Variants in CRACD observed in about 807,000 individuals in gnomAD.
The protein encoded by CRACD is capping protein inhibiting regulator of actin dynamics, also known as capping protein-inhibiting regulator of actin dynamics.
Under a neutral mutation model 106.8 loss-of-function variants are expected in CRACD, and 56 were observed. The observed-to-expected ratio is 0.52, with a 90% CI of 0.42 to 0.66. The LOEUF is 0.66. Among genes scored for constraint, CRACD ranks in the 30% least tolerant of loss-of-function variants. The pLI is 0.00. For synonymous variants in CRACD, 754 were observed against 670.8 expected, an observed-to-expected ratio of 1.12 and a Z score of -1.92; for missense variants, 1,730 against 1,623.2, an observed-to-expected ratio of 1.07 and a Z score of -1.13.
chr4:56,195,193 A>C (rs1271767824), intron 2 of CRACD, among the ~76,000 whole-genome samples: 1 of 152,144 alleles, frequency 6.6e-6, no homozygotes, highest in Non-Finnish European at 1.5e-5. Context: ...GGGAGGACAC[A>C]TGGCTCGCTT....
chr4:56,119,052 G>T (rs1302547723), intron 1 of CRACD, among the ~76,000 whole-genome samples: 1 of 152,126 alleles, frequency 6.6e-6, no homozygotes, highest in Non-Finnish European at 1.5e-5. Flanking sequence ...AAACTTTATG[G>T]AGGATTCATC....
chr4:56,100,298 GAATT>G (rs1424336555), intron 1 of CRACD, among the ~76,000 whole-genome samples: 1 of 152,136 alleles, frequency 6.6e-6, no homozygotes, highest in African/African-American at 2.4e-5. Flanking sequence ...ACATCAGAAA[GAATT>G]AATCTCGCTT....
chr4:56,201,265 G>A (rs1737866541), intron 2 of CRACD, among the ~76,000 whole-genome samples: 1 of 152,316 alleles, frequency 6.6e-6, no homozygotes, highest in South Asian at 2.1e-4. Context: ...ATGCGGTGAT[G>A]TGATGCTTTC....
At chr4:56,133,371 T>G (rs529501630) in intron 1 of CRACD, among the ~76,000 whole-genome samples, 10 of 152,332 alleles carry the variant, frequency 6.6e-5, no homozygotes, top group African/African-American at 2.4e-4. Flanking sequence ...CTGTTGTTGT[T>G]TTGATTGTGG....
intron 1 of CRACD, among the ~76,000 whole-genome samples, chr4:56,141,875 T>C (rs903397826): frequency 2.0e-5 from 3 of 151,444 alleles, no homozygotes; most frequent in African/African-American, 2.4e-5. Flanking sequence ...AAAAAAATTA[T>C]AGAGATGGGA....
chr4:56,263,770 A>T (rs1365892570), intron 2 of CRACD, among the ~76,000 whole-genome samples: 1 of 152,240 alleles, frequency 6.6e-6, no homozygotes, highest in Admixed American at 6.5e-5. Flanking sequence ...CACAAGAGAA[A>T]CATGAGCAAA....
At chr4:56,181,356 G>C (rs1736812796) in intron 2 of CRACD, among the ~76,000 whole-genome samples, 1 of 152,206 alleles carries the variant, frequency 6.6e-6, no homozygotes, top group Admixed American at 6.5e-5. Context: ...CCAGGAGCCA[G>C]TCAGTGCTGG....
At chr4:56,227,925 G>A (rs58596132) in intron 2 of CRACD, among the ~76,000 whole-genome samples, 5,227 of 152,098 alleles carry the variant, frequency 0.034, 314 homozygotes, top group African/African-American at 0.12. Context: ...CTTAGGAAGC[G>A]CTTAACCTCT....
chr4:56,056,614 A>G (rs1462749902), intron 1 of CRACD, among the ~76,000 whole-genome samples: 3 of 151,410 alleles, frequency 2.0e-5, no homozygotes, highest in East Asian at 3.9e-4. Flanking sequence ...AAAAACAAAC[A>G]AAAAAAACAC....
At chr4:56,173,744 G>A (rs1052907327) in intron 1 of CRACD, among the ~76,000 whole-genome samples, 2 of 152,154 alleles carry the variant, frequency 1.3e-5, no homozygotes, top group Non-Finnish European at 2.9e-5. Flanking sequence ...GCCCAGAAGT[G>A]GAATTGCTAG....
At chr4:56,175,913 A>G (rs574026252) in intron 1 of CRACD, among the ~76,000 whole-genome samples, 2 of 152,256 alleles carry the variant, frequency 1.3e-5, no homozygotes, top group South Asian at 2.1e-4. Flanking sequence ...TCATAGATTC[A>G]GGTCTTACAT....
rs974211348 is a variant in CRACD, at chr4:56,170,775, G to A, written c.-335-8509G>A. Reference sequence around the variant, plus strand: ...GATCGCTTGAGCCCAGGAGCTCGAGGTTACAGTGATCTGTGATTGTGCCAC... The same window carrying A: ...GATCGCTTGAGCCCAGGAGCTCGAGATTACAGTGATCTGTGATTGTGCCAC... On this transcript the variant is annotated intron_variant, in intron 1 of 10. Coordinates refer to ENST00000682029, the MANE Select transcript of CRACD (RefSeq NM_001393381.1). 9.2e-5 allele frequency among the ~76,000 whole-genome samples: 14 copies of A among 152,280 alleles called. No individual in the cohort carries two copies. In the South Asian group the frequency reaches 2.9e-3, roughly 32 times the overall value.
intron 1 of CRACD, among the ~76,000 whole-genome samples, chr4:56,127,456 G>A (rs1390343184): frequency 6.6e-6 from 1 of 152,104 alleles, no homozygotes; most frequent in East Asian, 1.9e-4. Flanking sequence ...TAGAAGCAGG[G>A]TAACTGAGTT....
intron 3 of CRACD, among the ~76,000 whole-genome samples, chr4:56,287,723 AGTC>A (rs965987171): frequency 2.2e-4 from 34 of 152,256 alleles, no homozygotes; most frequent in African/African-American, 8.2e-4. Flanking sequence ...CTGGCCCTAA[AGTC>A]GTTGTTTGGA....
intron 1 of CRACD, among the ~76,000 whole-genome samples, chr4:56,159,756 T>C (rs930529908): frequency 6.6e-6 from 1 of 152,180 alleles, no homozygotes. Context: ...AGTTAAAAAA[T>C]ATTAAAATAT....
At chr4:56,091,621 C>T (rs551498483) in intron 1 of CRACD, among the ~76,000 whole-genome samples, 2 of 152,184 alleles carry the variant, frequency 1.3e-5, no homozygotes, top group Admixed American at 6.5e-5. Flanking sequence ...CTGCACTGGG[C>T]GTTTGAGGAG....
At chr4:56,109,054 T>C (rs13101982) in intron 1 of CRACD, among the ~76,000 whole-genome samples, 23,106 of 152,094 alleles carry the variant, frequency 0.15, 1,818 homozygotes, top group East Asian at 0.25. Context: ...CTCCCTTTCG[T>C]GGTCTGCTAA....
At chr4:56,207,638 T>A (rs891450414) in intron 2 of CRACD, among the ~76,000 whole-genome samples, 1 of 151,414 alleles carries the variant, frequency 6.6e-6, no homozygotes, top group Non-Finnish European at 1.5e-5. Flanking sequence ...ACGAGACCCC[T>A]TTTTCAGGTC....
chr4:56,085,924 A>G (rs559208942), intron 1 of CRACD, among the ~76,000 whole-genome samples: 2 of 152,276 alleles, frequency 1.3e-5, no homozygotes, highest in Non-Finnish European at 2.9e-5. Context: ...TATTCATGGT[A>G]TAGTTTCTCT....
Sources: allele counts gnomAD v4.1 joint callset (sites outside exome capture counted in the v4.1 genomes callset), GRCh38; gene constraint gnomAD v4.1.1; transcripts MANE v1.5; gene names NCBI Gene and HGNC (gene_info 2026-07-23, HGNC 2026-07-21).